ACTR3B: variants seen among roughly 807,000 people sequenced by gnomAD.
The protein encoded by ACTR3B is actin-related protein 3B.
ACTR3B carries 8 observed loss-of-function variants against 59.0 expected under a neutral mutation model. The ratio of observed to expected loss-of-function variants is 0.14; its 90% CI spans 0.08 to 0.24. The LOEUF is 0.24. Ranked by LOEUF, ACTR3B falls within the 10% of genes least tolerant of loss-of-function variation. ACTR3B has a pLI of 1.00. For synonymous variants in ACTR3B, 148 were observed against 197.9 expected (o/e 0.75, Z 2.12); for missense variants, 245 against 552.3 (o/e 0.44, Z 5.58).
intron 1 of ACTR3B, among the ~76,000 whole-genome samples, chr7:152,763,331 A>AG (rs2098096677): frequency 6.6e-6 from 1 of 150,770 alleles, no homozygotes; most frequent in Non-Finnish European, 1.5e-5. Flanking sequence ...AAAAAAAAAA[A>AG]AAAAAAAAAA....
intron 1 of ACTR3B, among the ~76,000 whole-genome samples, chr7:152,764,090 C>T (rs942421220): frequency 1.3e-5 from 2 of 151,690 alleles, no homozygotes; most frequent in African/African-American, 4.8e-5. Context: ...ACTACAACCT[C>T]TGCCTCCCGG....
chr7:152,850,290 T>G (rs1031731515), intron 9 of ACTR3B, among the ~76,000 whole-genome samples: 1 of 149,282 alleles, frequency 6.7e-6, no homozygotes, highest in African/African-American at 2.5e-5. Flanking sequence ...AGATCACTGG[T>G]GGCTTCTCCA....
intron 1 of ACTR3B, among the ~76,000 whole-genome samples, chr7:152,765,458 A>G (rs1276777737): frequency 6.9e-6 from 1 of 145,478 alleles, no homozygotes; most frequent in Non-Finnish European, 1.5e-5. Flanking sequence ...ATATTGTGAG[A>G]TGCATTGTTA....
At chr7:152,782,650 T>C (rs966892944) in intron 1 of ACTR3B, among the ~76,000 whole-genome samples, 21 of 151,734 alleles carry the variant, frequency 1.4e-4, no homozygotes, top group African/African-American at 4.6e-4. Context: ...TATATAATCA[T>C]TTTCTAACCG....
chr7:152,834,981 T>A (rs1274363293), intron 9 of ACTR3B, among the ~76,000 whole-genome samples: 1 of 152,122 alleles, frequency 6.6e-6, no homozygotes, highest in Non-Finnish European at 1.5e-5. Flanking sequence ...CGCCAGAACG[T>A]CATCCAGGAG....
chr7:152,775,623 G>A (rs1189524514), intron 1 of ACTR3B, among the ~76,000 whole-genome samples: 2 of 152,050 alleles, frequency 1.3e-5, no homozygotes, highest in Non-Finnish European at 2.9e-5. Context: ...GCTGGGCGTG[G>A]TGGTGCATGC....
At chr7:152,786,632 C>T (rs988366902) in intron 2 of ACTR3B, among the ~76,000 whole-genome samples, 6 of 151,596 alleles carry the variant, frequency 4.0e-5, no homozygotes, top group Non-Finnish European at 2.9e-5. Context: ...ATGAACACGT[C>T]ATTACTGCAT....
At chr7:152,853,429 C>CG in intron 10 of ACTR3B, 65 bp from the exon 11 acceptor site, 1 of 1,497,438 alleles carries the variant, frequency 6.7e-7, no homozygotes, top group Non-Finnish European at 9.2e-7. Flanking sequence ...TCTCGTCAGC[C>CG]GGGGGATGAT....
At chr7:152,768,664 C>CG (rs1342386509) in intron 1 of ACTR3B, among the ~76,000 whole-genome samples, 7 of 151,970 alleles carry the variant, frequency 4.6e-5, no homozygotes, top group Non-Finnish European at 7.4e-5. Context: ...TTAGTAGAGA[C>CG]GGGGTTCCAC....
At chr7:152,793,328 GTT>G (rs200549274) in intron 2 of ACTR3B, among the ~76,000 whole-genome samples, 15,240 of 58,214 alleles carry the variant, frequency 0.26, 327 homozygotes, top group Non-Finnish European at 0.31. Context: ...TCTGGGCTCT[GTT>G]TTTTTTTTTT....
chr7:152,780,151 G>T (rs2098147160), intron 1 of ACTR3B, among the ~76,000 whole-genome samples: 1 of 152,120 alleles, frequency 6.6e-6, no homozygotes, highest in Non-Finnish European at 1.5e-5. Context: ...AGGAGTTTGA[G>T]ACCAGCTTGG....
chr7:152,783,834 A>C (rs1478340995), intron 2 of ACTR3B, among the ~76,000 whole-genome samples: 1 of 151,980 alleles, frequency 6.6e-6, no homozygotes, highest in South Asian at 2.1e-4. Flanking sequence ...TCACGCATGT[A>C]ATCGCAGCAC....
At chr7:152,790,204 C>T (rs2098190840) in intron 2 of ACTR3B, among the ~76,000 whole-genome samples, 1 of 152,330 alleles carries the variant, frequency 6.6e-6, no homozygotes, top group African/African-American at 2.4e-5. Context: ...TATTGCCTGT[C>T]CTGGTCTCGA....
rs556772425 is a variant in ACTR3B, at chr7:152,849,237, C to T, written c.952-2889C>T. 2.2e-4 allele frequency among the ~76,000 whole-genome samples: 33 copies of T among 152,284 alleles called. No individual in the cohort carries two copies. The South Asian group carries it at 6.6e-3, about 31-fold the overall frequency. ...TTCAGTGTGTTCATGATCAGATAGT[C>T]CCCGTAAGGCATGGGTACCCTTTAG... is the stretch of plus-strand genomic sequence containing the variant. On this transcript the variant is annotated intron_variant, in intron 9 of 11. Transcript: ENST00000256001.
intron 3 of ACTR3B, among the ~76,000 whole-genome samples, chr7:152,801,184 A>C (rs1268815171): frequency 2.0e-5 from 3 of 152,268 alleles, no homozygotes; most frequent in Non-Finnish European, 4.4e-5. Flanking sequence ...AGCTCAAGCA[A>C]TCCTCTCACC....
chr7:152,816,279 T>C (rs1218502704), intron 5 of ACTR3B, among the ~76,000 whole-genome samples: 1 of 152,034 alleles, frequency 6.6e-6, no homozygotes, highest in Non-Finnish European at 1.5e-5. Flanking sequence ...ACTCCTATAG[T>C]TGTAAGTACT....
At chr7:152,810,426 T>TA (rs576314524) in intron 4 of ACTR3B, among the ~76,000 whole-genome samples, 2 of 115,526 alleles carry the variant, frequency 1.7e-5, no homozygotes, top group South Asian at 3.2e-4. Flanking sequence ...TTTTTTTTTT[T>TA]TTGTTGTTGT....
intron 4 of ACTR3B, among the ~76,000 whole-genome samples, chr7:152,804,746 G>A (rs1055694327): frequency 1.3e-5 from 2 of 152,222 alleles, no homozygotes; most frequent in Non-Finnish European, 2.9e-5. Context: ...CAGCGTGGAG[G>A]AACTTTCTTC....
intron 1 of ACTR3B, among the ~76,000 whole-genome samples, chr7:152,782,927 A>G (rs2098159235): frequency 6.6e-6 from 1 of 152,158 alleles, no homozygotes; most frequent in Admixed American, 6.6e-5. Flanking sequence ...GCATAAATGT[A>G]ATTTATATGT....
Sources: gnomAD v4.1 joint callset for allele counts (sites outside exome capture counted in the v4.1 genomes callset) on GRCh38, gnomAD v4.1.1 for gene constraint, MANE v1.5 for transcripts, NCBI Gene and HGNC (gene_info 2026-07-23, HGNC 2026-07-21) for gene names.